The following RBFOX3 variants were observed in gnomAD, a reference collection of about 807,000 sequenced individuals.
The protein encoded by RBFOX3 is RNA binding protein fox-1 homolog 3.
Under a neutral mutation model 48.7 loss-of-function variants are expected in RBFOX3, and 17 were observed. That is an observed-to-expected ratio of 0.35 (90% CI 0.24 to 0.52). The LOEUF (loss-of-function observed/expected upper bound fraction) is 0.52. RBFOX3 is among the 20% of genes least tolerant of loss of function. The probability of loss-of-function intolerance (pLI) is 0.94; values close to 1 mark genes in which losing one functional copy is unlikely to be tolerated. For missense variants in RBFOX3, 382 were observed against 497.5 expected (o/e 0.77, Z 2.21); for synonymous variants, 212 against 209.5 (o/e 1.01, Z -0.10).
intron 2 of RBFOX3, among the ~76,000 whole-genome samples, chr17:79,369,416 C>T (rs184915309): frequency 2.0e-5 from 3 of 152,186 alleles, no homozygotes; most frequent in Non-Finnish European, 4.4e-5. Flanking sequence ...GCAAAGGACA[C>T]GCGTTTCGGA....
At chr17:79,331,415 G>T (rs1262735018) in intron 2 of RBFOX3, among the ~76,000 whole-genome samples, 3 of 152,112 alleles carry the variant, frequency 2.0e-5, no homozygotes, top group Non-Finnish European at 2.9e-5. Flanking sequence ...CCTCTGGGGG[G>T]TGCATCACTG....
chr17:79,650,970 C>T, the RBFOX3 span, among the ~76,000 whole-genome samples: 139,300 of 152,244 alleles, frequency 0.91, 64,780 homozygotes, highest in Non-Finnish European at 1. Flanking sequence ...GCCCTGCACC[C>T]GGGACTCGCC....
At chr17:79,137,655 G>A (rs1026078918) in intron 4 of RBFOX3, among the ~76,000 whole-genome samples, 3 of 140,032 alleles carry the variant, frequency 2.1e-5, no homozygotes, top group Non-Finnish European at 4.6e-5. Flanking sequence ...CCGGGCACGC[G>A]GGGAGGGTGT....
chr17:79,128,032 G>T (rs1024950384), intron 4 of RBFOX3, among the ~76,000 whole-genome samples: 1 of 152,228 alleles, frequency 6.6e-6, no homozygotes, highest in Non-Finnish European at 1.5e-5. Flanking sequence ...CACACCATGC[G>T]ACCGCTCAGC....
chr17:79,386,028 G>T, intron 2 of RBFOX3, among the ~76,000 whole-genome samples: 1 of 148,304 alleles, frequency 6.7e-6, no homozygotes, highest in Non-Finnish European at 1.5e-5. Flanking sequence ...ATAACAGATG[G>T]GGTTCCAACA....
chr17:79,150,188 C>G (rs1022903328), intron 4 of RBFOX3, among the ~76,000 whole-genome samples: 1 of 151,666 alleles, frequency 6.6e-6, no homozygotes, highest in Non-Finnish European at 1.5e-5. Flanking sequence ...CAGCGGTGGG[C>G]GGCAGCTGTG....
chr17:79,411,209 C>T (rs183276338), intron 2 of RBFOX3, among the ~76,000 whole-genome samples: 8 of 152,298 alleles, frequency 5.3e-5, no homozygotes, highest in Admixed American at 2.0e-4. Flanking sequence ...TGCTTGCCTG[C>T]GCCCTGCTTT....
chr17:79,390,460 A>C lies in RBFOX3; in HGVS notation c.-174-82636T>G, dbSNP rs1241595022. ...CTCAGAGTCCAACCGGCGTGGAAAT[A>C]CAGTCTTTGCGCCACTGCTTTTTTT... On this transcript the variant is annotated intron_variant, in intron 2 of 14. Transcript: ENST00000693108. This position sits in a 1 kb window ranked among gnomAD's most constrained non-coding sequence, Gnocchi z 4.2. Among the ~76,000 whole-genome samples, 2 of 147,510 alleles carry C rather than the reference A, an allele frequency of 1.4e-5. No homozygotes were observed. Among genetic ancestry groups the C allele is most frequent in the African/African-American group, 5.1e-5 (2 of 39,246 alleles).
intron 1 of RBFOX3, among the ~76,000 whole-genome samples, chr17:79,577,932 G>C (rs2144719147): frequency 6.6e-6 from 1 of 152,372 alleles, no homozygotes; most frequent in African/African-American, 2.4e-5. Context: ...AGAAGATGGA[G>C]CTCAGGGGCC....
intron 1 of RBFOX3, among the ~76,000 whole-genome samples, chr17:79,500,597 G>A (rs959484527): frequency 3.9e-5 from 6 of 152,248 alleles, no homozygotes; most frequent in East Asian, 1.9e-4. Flanking sequence ...ATAGTTTGTC[G>A]TGCAGTAATA....
intron 2 of RBFOX3, among the ~76,000 whole-genome samples, chr17:79,342,635 G>A (rs144315832): frequency 6.6e-6 from 1 of 152,210 alleles, no homozygotes; most frequent in Non-Finnish European, 1.5e-5. Flanking sequence ...AGAGTCGAAG[G>A]ATGACCTGGA....
At position 79,205,041 on chromosome 17, in the gene RBFOX3, A is replaced by G. The variant is rs1349255792; in HGVS notation, c.-34+30725T>C. ...TCACAACGGGAAACTGCAGTACCAT[A>G]TCCAGTTCCAGGTCTAAGGCAGTTC... is the stretch of plus-strand genomic sequence containing the variant. On this transcript the variant is annotated intron_variant, in intron 4 of 14. Coordinates refer to ENST00000693108, the MANE Select transcript of RBFOX3 (RefSeq NM_001350451.2). This position sits in a 1 kb window ranked among gnomAD's most constrained non-coding sequence, Gnocchi z 4.5. Among the ~76,000 whole-genome samples the G allele has an allele frequency of 1.3e-5, 2 of 152,134 alleles. No homozygotes were observed. The highest frequency in any genetic ancestry group is 4.8e-5 in the African/African-American group (2 of 41,410).
chr17:79,561,009 C>T (rs1313005282), intron 1 of RBFOX3, among the ~76,000 whole-genome samples: 3 of 152,200 alleles, frequency 2.0e-5, no homozygotes, highest in African/African-American at 7.2e-5. Flanking sequence ...AGGCTCCCCA[C>T]CAGACAGAGC....
In RBFOX3 at chr17:79,452,421, C is replaced by T. The variant is rs1023026418; in HGVS notation, c.-175+30033G>A. ...GCAGAGCTCCAGCAAGTCACTGACG[C>T]TCCACTGTCTTGGGACAGATGGATG... is the stretch of plus-strand genomic sequence containing the variant. On this transcript the variant is annotated intron_variant, in intron 2 of 14. Coordinates refer to ENST00000693108, the MANE Select transcript of RBFOX3 (RefSeq NM_001350451.2). Among the ~76,000 whole-genome samples, 5 of 152,236 alleles carry T rather than the reference C, an allele frequency of 3.3e-5. No individual in the cohort carries two copies. The East Asian group carries it at 9.6e-4, about 29-fold the overall frequency.
At chr17:79,354,982 A>T (rs984611330) in intron 2 of RBFOX3, among the ~76,000 whole-genome samples, 5 of 152,088 alleles carry the variant, frequency 3.3e-5, no homozygotes, top group South Asian at 2.1e-4. Flanking sequence ...TGGCTGTGGG[A>T]TTATTAATGG....
At chr17:79,447,147 C>T (rs929765362) in intron 2 of RBFOX3, among the ~76,000 whole-genome samples, 3 of 152,206 alleles carry the variant, frequency 2.0e-5, no homozygotes, top group Admixed American at 6.5e-5. Flanking sequence ...GTGAATTTGT[C>T]GGCAGTAAAC....
chr17:79,404,167 A>G (rs938248034), intron 2 of RBFOX3, among the ~76,000 whole-genome samples: 3 of 152,140 alleles, frequency 2.0e-5, no homozygotes, highest in African/African-American at 7.2e-5. Flanking sequence ...AGTTGAACAC[A>G]CAGATTTGGG....
At position 79,421,579 on chromosome 17, in the gene RBFOX3, A is replaced by G. The variant is rs1156810012; in HGVS notation, c.-175+60875T>C. ...AAATGACCCATGCTGGCATTGGGTG[A>G]CAGGAGGGGGCCCCAGAAGTTGAGG... On this transcript the variant is annotated intron_variant, in intron 2 of 14. Coordinates refer to ENST00000693108, the MANE Select transcript of RBFOX3 (RefSeq NM_001350451.2). The surrounding 1 kb of genome is among the most constrained non-coding windows in gnomAD (Gnocchi z 4.5). Among the ~76,000 whole-genome samples, 2 of 152,156 alleles carry G rather than the reference A, an allele frequency of 1.3e-5. No individual in the cohort carries two copies. Among genetic ancestry groups the G allele is most frequent in the Admixed American group, 1.3e-4 (2 of 15,284 alleles).
chr17:79,614,489 G>A, upstream of RBFOX3, among the ~76,000 whole-genome samples: 1 of 152,266 alleles, frequency 6.6e-6, no homozygotes, highest in Non-Finnish European at 1.5e-5. Flanking sequence ...CCCCCCTAAG[G>A]TGAGTAAAAA....
Sources: allele counts gnomAD v4.1 joint callset (sites outside exome capture counted in the v4.1 genomes callset), GRCh38; gene constraint gnomAD v4.1.1; non-coding constraint Gnocchi (gnomAD v3.1); transcripts MANE v1.5; gene names NCBI Gene and HGNC (gene_info 2026-07-23, HGNC 2026-07-21).